The following UTP18 variants were observed in gnomAD, a reference collection of about 807,000 sequenced individuals.
UTP18 encodes UTP18 small subunit processome component.
A neutral mutation model predicts 61.1 loss-of-function variants in UTP18; 36 were observed. The ratio of observed to expected loss-of-function variants is 0.59; its 90% CI spans 0.45 to 0.78. The LOEUF is 0.78. Ranked by LOEUF, UTP18 falls within the 30% of genes least tolerant of loss-of-function variation. The pLI is 0.00. For synonymous variants in UTP18, 282 were observed against 251.1 expected (o/e 1.12, Z -1.16); for missense variants, 753 against 693.9 (o/e 1.09, Z -0.96).
intron 5 of UTP18, among the ~76,000 whole-genome samples, chr17:51,273,742 T>A (rs1330369379): frequency 7.2e-6 from 1 of 139,142 alleles, no homozygotes; most frequent in Non-Finnish European, 1.5e-5. Context: ...TCTAAAATAA[T>A]AAATAAATAA....
At position 51,297,821 on chromosome 17, in the gene UTP18, A is replaced by G. The variant is rs1905409306; in HGVS notation, c.*54A>G. 5.2e-6 allele frequency: 2 copies of G among 386,476 alleles called. No homozygotes were observed. The highest frequency in any genetic ancestry group is 2.2e-5 in the African/African-American group (1 of 44,578). 23.9% of individuals were successfully genotyped at this position (386,476 alleles called of 1,614,324 possible). A position where few individuals can be genotyped will look rare whatever the true frequency, so the allele number is the denominator to read the frequency against. ...CAAGAGAAGCCTGTCTTGATATATC[A>G]TCTCAGAAACTTTCCTGAATATGTG... On this transcript the variant is annotated 3_prime_UTR_variant, in exon 14 of 14. Coordinates refer to ENST00000225298, the MANE Select transcript of UTP18 (RefSeq NM_016001.3).
intron 9 of UTP18, 105 bp downstream of exon 9, chr17:51,280,584 T>C (rs1904882020): frequency 6.9e-6 from 7 of 1,007,328 alleles, no homozygotes; most frequent in African/African-American, 1.6e-5. Flanking sequence ...GAGGCCGAGA[T>C]GGGCAGATCA....
intron 2 of UTP18, among the ~76,000 whole-genome samples, chr17:51,265,065 T>C (rs531692245): frequency 4.6e-5 from 7 of 152,288 alleles, no homozygotes; most frequent in East Asian, 1.9e-4. Flanking sequence ...TCCTGACATA[T>C]TGAGAATTTC....
chr17:51,275,792 C>T (rs1237715141), intron 5 of UTP18, 74 bp from the exon 6 acceptor site: 24 of 1,267,980 alleles, frequency 1.9e-5, no homozygotes, highest in East Asian at 3.3e-5. Context: ...ACTGTAATGT[C>T]TTTTCTTCTT....
chr17:51,293,101 T>G (rs556623138), intron 11 of UTP18, among the ~76,000 whole-genome samples: 5 of 152,362 alleles, frequency 3.3e-5, no homozygotes, highest in Admixed American at 6.5e-5. Context: ...CCTTCATGTT[T>G]AAAATCTCTT....
At chr17:51,263,701 A>AT (rs1374589468) in intron 2 of UTP18, among the ~76,000 whole-genome samples, 1 of 152,064 alleles carries the variant, frequency 6.6e-6, no homozygotes, top group African/African-American at 2.4e-5. Flanking sequence ...TGGAACCTAC[A>AT]TTTTTTCCTT....
intron 2 of UTP18, among the ~76,000 whole-genome samples, chr17:51,263,625 A>G (rs527497725): frequency 5.3e-5 from 8 of 152,274 alleles, no homozygotes; most frequent in African/African-American, 1.7e-4. Flanking sequence ...AAGAGAATAC[A>G]GTGTTTGAAG....
chr17:51,262,032 A>G lies in UTP18; in HGVS notation c.342+1106A>G, dbSNP rs555978868. 3.1e-4 allele frequency among the ~76,000 whole-genome samples: 47 copies of G among 152,120 alleles called. 1 individual carries two copies. The highest frequency in any genetic ancestry group is 1.7e-3 in the Admixed American group (26 of 15,296). On this transcript the variant is annotated intron_variant, in intron 1 of 13. Transcript: ENST00000225298. ...AAGTAGAAACCACTTGGACATTTCT[A>G]TCATTGGTTTTGGGAAGCTCAAACT...
intron 11 of UTP18, among the ~76,000 whole-genome samples, chr17:51,291,302 A>T (rs1905233113): frequency 6.6e-6 from 1 of 152,206 alleles, no homozygotes. Context: ...ATCAGGTGAG[A>T]TCATTGGCTT....
chr17:51,280,646 C>G (rs1904884107), intron 9 of UTP18, among the ~76,000 whole-genome samples, 167 bp downstream of exon 9: 2 of 151,836 alleles, frequency 1.3e-5, no homozygotes, highest in African/African-American at 4.8e-5. Context: ...AACTCCGTCT[C>G]TACTAAAAAG....
rs758450696 is a variant in UTP18, at chr17:51,260,639, C to T, written c.55C>T (p.Pro19Ser). ...ACTGGACCGGAGAACCGGAGCGAAG[C>T]CGAAGCGGAAGCCCGGAATGAGGCC... The part of the protein sequence containing the change: ...MKLDRRTGAK[P>S]KRKPGMRPDW... Residue 19 changes from proline to serine, a missense_variant, in exon 1 of 14, where the codon CCG (proline) becomes TCG (serine). Pro to Ser is a moderately conservative substitution (Grantham distance 74, BLOSUM62 -1). Transcript: ENST00000225298. 1 of 1,612,572 alleles carries T rather than the reference C, an allele frequency of 6.2e-7. No homozygotes were observed. The highest frequency in any genetic ancestry group is 8.5e-7 in the Non-Finnish European group (1 of 1,179,702).
At chr17:51,275,121 C>T (rs1335864700) in intron 5 of UTP18, among the ~76,000 whole-genome samples, 1 of 150,434 alleles carries the variant, frequency 6.6e-6, no homozygotes, top group South Asian at 2.1e-4. Flanking sequence ...CACTTGAACC[C>T]AACAGGCAGA....
At chr17:51,277,084 G>C (rs774765244) in intron 6 of UTP18, 46 bp from the exon 7 acceptor site, 1 of 1,581,150 alleles carries the variant, frequency 6.3e-7, no homozygotes, top group South Asian at 1.1e-5. Context: ...CCAGGATACA[G>C]GGTCTGTGGA....
At chr17:51,262,291 C>T (rs769493118) in intron 1 of UTP18, among the ~76,000 whole-genome samples, 3 of 152,008 alleles carry the variant, frequency 2.0e-5, no homozygotes, top group East Asian at 1.9e-4. Context: ...TCACCATCTT[C>T]GCCAGGCTGG....
At chr17:51,282,010 G>A (rs1483077741) in intron 9 of UTP18, among the ~76,000 whole-genome samples, 1 of 152,092 alleles carries the variant, frequency 6.6e-6, no homozygotes, top group African/African-American at 2.4e-5. Context: ...TGATTAACCT[G>A]CACTGTCCTG....
chr17:51,271,009 ATATT>A (rs1598476703), intron 4 of UTP18, among the ~76,000 whole-genome samples: 2 of 152,262 alleles, frequency 1.3e-5, no homozygotes, highest in East Asian at 3.9e-4. Flanking sequence ...TTATCTGTAA[ATATT>A]TACTGAGTTT....
intron 11 of UTP18, among the ~76,000 whole-genome samples, chr17:51,292,345 A>C (rs954682335): frequency 7.9e-5 from 12 of 152,242 alleles, no homozygotes; most frequent in East Asian, 1.9e-4. Flanking sequence ...CATTGCCTTC[A>C]CATTGATGCC....
chr17:51,276,445 T>A (rs1904725926), intron 6 of UTP18, among the ~76,000 whole-genome samples: 1 of 152,246 alleles, frequency 6.6e-6, no homozygotes, highest in Non-Finnish European at 1.5e-5. Flanking sequence ...ATATTAATCA[T>A]GTTAGTGAAT....
chr17:51,272,539 T>C (rs997664540), intron 4 of UTP18, among the ~76,000 whole-genome samples: 1 of 152,234 alleles, frequency 6.6e-6, no homozygotes, highest in Non-Finnish European at 1.5e-5. Flanking sequence ...TGGTGGACAT[T>C]GCATATGAAA....
Sources: allele counts gnomAD v4.1 joint callset (sites outside exome capture counted in the v4.1 genomes callset), GRCh38; gene constraint gnomAD v4.1.1; transcripts MANE v1.5; gene names NCBI Gene and HGNC (gene_info 2026-07-23, HGNC 2026-07-21).